The following FOXK2 variants were observed in gnomAD, a reference collection of about 807,000 sequenced individuals.
FOXK2 encodes the protein forkhead box K2, also known as forkhead box protein K2.
A neutral mutation model predicts 53.3 loss-of-function variants in FOXK2; 24 were observed. That is an observed-to-expected ratio of 0.45 (90% CI 0.33 to 0.63). FOXK2 has a LOEUF of 0.63. FOXK2 is among the 30% of genes least tolerant of loss of function. The pLI is 0.03. For missense variants in FOXK2, 952 were observed against 910.5 expected, an observed-to-expected ratio of 1.05 and a Z score of -0.59; for synonymous variants, 505 against 407.1, an observed-to-expected ratio of 1.24 and a Z score of -2.89.
intron 8 of FOXK2, among the ~76,000 whole-genome samples, chr17:82,596,551 G>GCCCTCGT (rs1235742384): frequency 2.7e-4 from 4 of 14,854 alleles, no homozygotes; most frequent in Admixed American, 2.0e-3. Context: ...CTTTCTGCGG[G>GCCCTCGT]CAGTCTGTGT....
At chr17:82,555,617 G>A (rs952195763) in intron 1 of FOXK2, among the ~76,000 whole-genome samples, 2 of 151,914 alleles carry the variant, frequency 1.3e-5, no homozygotes, top group African/African-American at 2.4e-5. Context: ...GGGCGCGGTG[G>A]CTCACGCCTG....
intron 5 of FOXK2, among the ~76,000 whole-genome samples, chr17:82,583,673 C>T (rs1387711701): frequency 1.3e-5 from 2 of 152,046 alleles, no homozygotes. Flanking sequence ...AAAAAATGAG[C>T]GTAACGTAAG....
At chr17:82,585,616 T>C (rs1354111841) in intron 6 of FOXK2, among the ~76,000 whole-genome samples, 1 of 152,158 alleles carries the variant, frequency 6.6e-6, no homozygotes, top group Non-Finnish European at 1.5e-5. Flanking sequence ...CCTCTTTTAT[T>C]GAGTATTGAC....
At chr17:82,587,024 C>G (rs371475960) in intron 7 of FOXK2, 39 bp from the exon 8 acceptor site, 1 of 1,585,762 alleles carries the variant, frequency 6.3e-7, no homozygotes, top group Non-Finnish European at 8.7e-7. Flanking sequence ...TATTTGCTTT[C>G]CAGTAATATT....
chr17:82,522,556 A>G (rs898220305), intron 1 of FOXK2, among the ~76,000 whole-genome samples: 1 of 151,426 alleles, frequency 6.6e-6, no homozygotes, highest in African/African-American at 2.4e-5. Flanking sequence ...TATTTTTAGT[A>G]GAGACGGGGT....
intron 4 of FOXK2, chr17:82,578,506 G>C (rs896322264): frequency 6.6e-6 from 1 of 152,232 alleles, no homozygotes; most frequent in Non-Finnish European, 1.5e-5. Context: ...GCAACAGAAT[G>C]AAGGAACATC....
At chr17:82,573,562 TCACACACACACACACA>T (rs1019671658) in intron 4 of FOXK2, among the ~76,000 whole-genome samples, 7 of 83,316 alleles carry the variant, frequency 8.4e-5, no homozygotes, top group Admixed American at 1.2e-4. Context: ...TCTCTCTCTC[TCACACACACACACACA>T]CACACACACA....
At chr17:82,585,089 C>T (rs945511039) in intron 6 of FOXK2, among the ~76,000 whole-genome samples, 3 of 152,256 alleles carry the variant, frequency 2.0e-5, no homozygotes, top group East Asian at 1.9e-4. Context: ...ATGTCTCCCT[C>T]TCTTTGCTCT....
At chr17:82,582,652 T>G (rs2045078074) in intron 4 of FOXK2, 89 bp from the exon 5 acceptor site, 3 of 1,110,608 alleles carry the variant, frequency 2.7e-6, no homozygotes, top group Non-Finnish European at 3.8e-6. Flanking sequence ...CATGTAGGTT[T>G]CTGCTTTTTA....
intron 8 of FOXK2, among the ~76,000 whole-genome samples, chr17:82,595,396 G>A (rs1434767296): frequency 6.6e-6 from 1 of 152,142 alleles, no homozygotes; most frequent in African/African-American, 2.4e-5. Flanking sequence ...TGAACTCGTG[G>A]GCTCAAGTGA....
chr17:82,585,666 C>G (rs919828575), intron 6 of FOXK2, among the ~76,000 whole-genome samples: 4 of 152,074 alleles, frequency 2.6e-5, no homozygotes, highest in African/African-American at 7.2e-5. Flanking sequence ...GAGGGGTTAC[C>G]AGATATCTAA....
intron 8 of FOXK2, among the ~76,000 whole-genome samples, chr17:82,595,537 A>G (rs2045301100): frequency 6.6e-6 from 1 of 152,126 alleles, no homozygotes; most frequent in Non-Finnish European, 1.5e-5. Flanking sequence ...TCCTAGGTTC[A>G]AGTGATTCTC....
intron 1 of FOXK2, among the ~76,000 whole-genome samples, chr17:82,520,531 C>T (rs1042123734): frequency 2.0e-5 from 3 of 152,184 alleles, no homozygotes; most frequent in Non-Finnish European, 2.9e-5. Context: ...TGCAGCCCCC[C>T]GTCTTTCCCC....
chr17:82,567,192 C>G (rs148753460), intron 2 of FOXK2, among the ~76,000 whole-genome samples: 7 of 152,256 alleles, frequency 4.6e-5, no homozygotes, highest in African/African-American at 7.2e-5. Flanking sequence ...GTGATTTTCT[C>G]TAGACCTTCT....
At chr17:82,571,906 A>G (rs1598218811) in intron 4 of FOXK2, 36 bp downstream of exon 4, 1 of 1,495,706 alleles carries the variant, frequency 6.7e-7, no homozygotes, top group East Asian at 2.6e-5. Flanking sequence ...ATAGAGGCTG[A>G]TGGATACCGA....
At position 82,566,600 on chromosome 17, in the gene FOXK2, C is replaced by T. The variant is rs77637751; in HGVS notation, c.615-1454C>T. 0.024 allele frequency among the ~76,000 whole-genome samples: 3,632 copies of T among 152,276 alleles called. 290 individuals are homozygous for T. In the East Asian group the frequency reaches 0.24, roughly 10 times the overall value. ...TTTACGTAAGTCACATACAGCTCACCGCCAAGCAGCAGCCTTGAAGACCCC... is the reference window on the plus strand; with the variant it reads ...TTTACGTAAGTCACATACAGCTCACTGCCAAGCAGCAGCCTTGAAGACCCC... On this transcript the variant is annotated intron_variant, in intron 2 of 8. Transcript: ENST00000335255.
intron 1 of FOXK2, among the ~76,000 whole-genome samples, chr17:82,524,763 G>A (rs563337361): frequency 6.6e-6 from 1 of 152,312 alleles, no homozygotes; most frequent in South Asian, 2.1e-4. Context: ...GGGCTCCATG[G>A]GGGTGTCTGG....
intron 4 of FOXK2, among the ~76,000 whole-genome samples, chr17:82,579,485 C>T (rs1838165970): frequency 6.6e-6 from 1 of 151,622 alleles, no homozygotes; most frequent in Admixed American, 6.6e-5. Flanking sequence ...GTAGCTCCAT[C>T]CACAGGGCCC....
At chr17:82,522,767 A>G (rs1388442675) in intron 1 of FOXK2, among the ~76,000 whole-genome samples, 1 of 152,222 alleles carries the variant, frequency 6.6e-6, no homozygotes, top group African/African-American at 2.4e-5. Context: ...AAACATGGAG[A>G]TAAGTTGACC....
Sources: gnomAD v4.1 joint callset for allele counts (sites outside exome capture counted in the v4.1 genomes callset) on GRCh38, gnomAD v4.1.1 for gene constraint, MANE v1.5 for transcripts, NCBI Gene and HGNC (gene_info 2026-07-23, HGNC 2026-07-21) for gene names.